PEX14: variants seen among roughly 807,000 people sequenced by gnomAD.
PEX14 encodes peroxisomal biogenesis factor 14.
In PEX14, 15 loss-of-function variants were observed where a neutral mutation model predicts 49.5. The observed-to-expected ratio is 0.30, with a 90% CI of 0.20 to 0.47. The LOEUF is 0.47. PEX14 is among the 20% of genes least tolerant of loss of function. The pLI is 1.00. For synonymous variants in PEX14, 210 were observed against 212.7 expected, an observed-to-expected ratio of 0.99 and a Z score of 0.11; for missense variants, 398 against 494.8, an observed-to-expected ratio of 0.80 and a Z score of 1.86.
chr1:10,483,550 C>G (rs1641318593), intron 1 of PEX14, among the ~76,000 whole-genome samples: 1 of 151,786 alleles, frequency 6.6e-6, no homozygotes, highest in African/African-American at 2.4e-5. Flanking sequence ...CTCCTGACCT[C>G]ATGATCCACC....
At chr1:10,505,454 C>G (rs931800044) in intron 2 of PEX14, among the ~76,000 whole-genome samples, 2 of 152,148 alleles carry the variant, frequency 1.3e-5, no homozygotes, top group Non-Finnish European at 2.9e-5. Flanking sequence ...AAAAACAAAA[C>G]ACAATCTTTT....
chr1:10,610,540 G>A (rs903434085), intron 4 of PEX14, among the ~76,000 whole-genome samples: 1 of 151,584 alleles, frequency 6.6e-6, no homozygotes, highest in Non-Finnish European at 1.5e-5. Flanking sequence ...GGAGTGCAAT[G>A]GCGTGATCTT....
intron 3 of PEX14, among the ~76,000 whole-genome samples, chr1:10,546,591 G>A (rs1033067788): frequency 7.2e-6 from 1 of 139,544 alleles, no homozygotes; most frequent in African/African-American, 2.7e-5. Context: ...AAAAGGCTAG[G>A]TGCGGTGGCT....
rs975233222 is a variant in PEX14, at chr1:10,573,011, A to G, written c.170-26227A>G. On this transcript the variant is annotated intron_variant, in intron 3 of 8. Transcript: ENST00000356607. ...GTTACTGAAAAGGATACTGTAGGCA[A>G]TTGTAACACAATGGTACATATTTGT... 3.9e-5 allele frequency among the ~76,000 whole-genome samples: 6 copies of G among 152,216 alleles called. No homozygotes were observed. The East Asian group carries it at 5.8e-4, about 15-fold the overall frequency.
chr1:10,569,214 A>AT (rs910335140), intron 3 of PEX14, among the ~76,000 whole-genome samples: 2 of 152,278 alleles, frequency 1.3e-5, no homozygotes, highest in African/African-American at 4.8e-5. Flanking sequence ...GTATGTAACT[A>AT]TTTTTTACAA....
At chr1:10,498,516 G>C (rs956639742) in intron 2 of PEX14, among the ~76,000 whole-genome samples, 1 of 152,168 alleles carries the variant, frequency 6.6e-6, no homozygotes, top group African/African-American at 2.4e-5. Flanking sequence ...GTGTAATCTT[G>C]TAGTCTCTAA....
At chr1:10,585,426 AT>A (rs1640452095) in intron 3 of PEX14, among the ~76,000 whole-genome samples, 1 of 152,236 alleles carries the variant, frequency 6.6e-6, no homozygotes, top group African/African-American at 2.4e-5. Flanking sequence ...CAGCATTTAC[AT>A]TAAATATAAA....
chr1:10,485,203 T>A (rs1641346850), intron 1 of PEX14, among the ~76,000 whole-genome samples: 1 of 151,670 alleles, frequency 6.6e-6, no homozygotes, highest in African/African-American at 2.4e-5. Context: ...GGTAGGCTTA[T>A]GTAGTAAGTA....
chr1:10,605,671 G>A (rs1641106145), intron 4 of PEX14, among the ~76,000 whole-genome samples: 1 of 152,212 alleles, frequency 6.6e-6, no homozygotes, highest in Non-Finnish European at 1.5e-5. Context: ...CCGTCAGAAA[G>A]CAAAATAGCA....
intron 3 of PEX14, among the ~76,000 whole-genome samples, chr1:10,566,324 T>G (rs982450566): frequency 5.3e-5 from 8 of 152,268 alleles, no homozygotes; most frequent in African/African-American, 1.4e-4. Context: ...ATTAGGAGAT[T>G]AATGTTTTAA....
At chr1:10,543,054 A>C (rs1022885928) in intron 3 of PEX14, among the ~76,000 whole-genome samples, 1 of 152,234 alleles carries the variant, frequency 6.6e-6, no homozygotes, top group Non-Finnish European at 1.5e-5. Flanking sequence ...TAAGAGGAAA[A>C]AGAGTAACAA....
Position 10,613,963 on chromosome 1 carries a change from A to T in PEX14, c.299-4369A>T. Among the ~76,000 whole-genome samples the T allele has an allele frequency of 6.6e-6, 1 of 152,176 alleles. No individual in the cohort carries two copies. Among genetic ancestry groups the T allele is most frequent in the African/African-American group, 2.4e-5 (1 of 41,444 alleles). On this transcript the variant is annotated intron_variant, in intron 4 of 8. Coordinates refer to ENST00000356607, the MANE Select transcript of PEX14 (RefSeq NM_004565.3). The surrounding 1 kb of genome is among the most constrained non-coding windows in gnomAD (Gnocchi z 5.0). ...TGCCCCATCTCCTGCCCTTGTCTTT[A>T]TACCTCCGGACATTCAGGGAGCCTG...
intron 2 of PEX14, among the ~76,000 whole-genome samples, chr1:10,531,799 A>G (rs1638658213): frequency 6.6e-6 from 1 of 152,196 alleles, no homozygotes; most frequent in African/African-American, 2.4e-5. Context: ...TCAGGTTTAC[A>G]TGTCAGGTGC....
intron 1 of PEX14, among the ~76,000 whole-genome samples, chr1:10,485,323 T>A (rs1641349092): frequency 7.0e-6 from 1 of 141,948 alleles, no homozygotes; most frequent in South Asian, 2.2e-4. Context: ...TTTTTTTTTT[T>A]AAGAGACAGG....
At position 10,628,561 on chromosome 1, in the gene PEX14, A is replaced by T. The variant is rs111404207; in HGVS notation, c.678-970A>T. Among the ~76,000 whole-genome samples, 1,915 of 152,366 alleles carry T rather than the reference A, an allele frequency of 0.013. 48 individuals carry two copies. The highest frequency in any genetic ancestry group is 0.044 in the African/African-American group (1,837 of 41,586). ...CGCTGGCAGAGGCCAGAGCATTGTC[A>T]TTAGGAGACAGCCTCCATTTTCCCT... On this transcript the variant is annotated intron_variant, in intron 8 of 8. Transcript: ENST00000356607. The surrounding 1 kb of genome is among the most constrained non-coding windows in gnomAD (Gnocchi z 4.5).
intron 4 of PEX14, among the ~76,000 whole-genome samples, chr1:10,610,412 CAG>C (rs1273934566): frequency 6.7e-6 from 1 of 149,284 alleles, no homozygotes; most frequent in Non-Finnish European, 1.5e-5. Context: ...TATATATACA[CAG>C]AGAGAGAGAG....
chr1:10,495,372 C>G lies in PEX14; in HGVS notation c.84+51C>G. 6.9e-7 allele frequency: 1 copy of G among 1,450,382 alleles called. No individual in the cohort carries two copies. Among genetic ancestry groups the G allele is most frequent in the Non-Finnish European group, 9.7e-7 (1 of 1,035,938 alleles). The allele number at this position is 1,450,382 out of a possible 1,614,324, so 89.8% of individuals were successfully genotyped here. ...ACTTTCTAGTAATTAAAATGCCACG[C>G]GAGTGAAAAGAAACCTTCTGTTCCT... is the stretch of plus-strand genomic sequence containing the variant. On this transcript the variant is annotated intron_variant, in intron 2 of 8. Transcript: ENST00000356607. This position sits in a 1 kb window ranked among gnomAD's most constrained non-coding sequence, Gnocchi z 4.2.
At chr1:10,520,429 A>G (rs1168279572) in intron 2 of PEX14, among the ~76,000 whole-genome samples, 1 of 152,048 alleles carries the variant, frequency 6.6e-6, no homozygotes, top group Non-Finnish European at 1.5e-5. Context: ...AGAGTGCTGG[A>G]TTATAGTCAT....
intron 3 of PEX14, among the ~76,000 whole-genome samples, chr1:10,561,850 C>A (rs746379919): frequency 3.9e-5 from 6 of 152,034 alleles, no homozygotes; most frequent in Non-Finnish European, 5.9e-5. Flanking sequence ...CCTCTTTCCT[C>A]TTCTGTTTCT....
Sources: gnomAD v4.1 joint callset for allele counts (sites outside exome capture counted in the v4.1 genomes callset) on GRCh38, gnomAD v4.1.1 for gene constraint, Gnocchi (gnomAD v3.1) non-coding constraint, MANE v1.5 for transcripts, NCBI Gene and HGNC (gene_info 2026-07-23, HGNC 2026-07-21) for gene names.